Variants in BAIAP2 observed in about 807,000 individuals in gnomAD.
BAIAP2 encodes BAR/IMD domain-containing adapter protein 2.
Under a neutral mutation model 63.0 loss-of-function variants are expected in BAIAP2, and 18 were observed. The observed-to-expected ratio is 0.29, with a 90% CI of 0.20 to 0.42. BAIAP2 has a LOEUF of 0.42. Ranked by LOEUF, BAIAP2 falls within the 10% of genes least tolerant of loss-of-function variation. The pLI is 1.00. For missense variants in BAIAP2, 610 were observed against 734.3 expected (o/e 0.83, Z 1.96); for synonymous variants, 386 against 307.6 (o/e 1.25, Z -2.67).
At chr17:81,072,030 C>A (rs957636349) in intron 3 of BAIAP2, among the ~76,000 whole-genome samples, 10 of 152,232 alleles carry the variant, frequency 6.6e-5, no homozygotes, top group African/African-American at 2.4e-4. Flanking sequence ...TCTCTTGGGC[C>A]ATCATCGTGG....
chr17:81,060,043 C>T (rs1034642710), intron 3 of BAIAP2, among the ~76,000 whole-genome samples: 1 of 152,190 alleles, frequency 6.6e-6, no homozygotes, highest in Non-Finnish European at 1.5e-5. Context: ...CAGGGAGCGT[C>T]TGTTTACCTG....
chr17:81,110,391 A>G (rs2059776291), intron 13 of BAIAP2: 1 of 987,588 alleles, frequency 1.0e-6, no homozygotes, highest in Non-Finnish European at 1.2e-6. Flanking sequence ...AAACAGCAAC[A>G]CTTGTATGAA....
chr17:81,066,621 C>G (rs11655399), intron 3 of BAIAP2, among the ~76,000 whole-genome samples: 84,537 of 152,100 alleles, frequency 0.56, 23,618 homozygotes, highest in Admixed American at 0.59. Flanking sequence ...AAACGTGGGG[C>G]CCTGTGCAGA....
At chr17:81,073,351 G>C (rs1451982627) in intron 3 of BAIAP2, among the ~76,000 whole-genome samples, 1 of 152,168 alleles carries the variant, frequency 6.6e-6, no homozygotes, top group East Asian at 1.9e-4. Flanking sequence ...CCGGGGTGGG[G>C]AGGTGGAGGC....
rs553996113 is a variant in BAIAP2 at position 81,072,952 on chromosome 17, C to A, written c.218-11880C>A. 2.0e-4 allele frequency among the ~76,000 whole-genome samples: 30 copies of A among 152,150 alleles called. 1 individual carries two copies. The South Asian group carries it at 5.4e-3, about 27-fold the overall frequency. ...CCCGGGTGCCGGGTACAAACATGCA[C>A]GCTTCCCTGATGAGAAAATGGCATC... On this transcript the variant is annotated intron_variant, in intron 3 of 13. Transcript: ENST00000428708.
At chr17:81,072,937 G>A (rs531646085) in intron 3 of BAIAP2, among the ~76,000 whole-genome samples, 39 of 152,080 alleles carry the variant, frequency 2.6e-4, no homozygotes, top group Non-Finnish European at 4.1e-4. Context: ...CCCGGGTGCC[G>A]GGTACAAACA....
At position 81,053,203 on chromosome 17, in the gene BAIAP2, C is replaced by T. The variant is rs544950556; in HGVS notation, c.55-465C>T. Reference sequence around the variant, plus strand: ...CAGATCAGGCTGCAGTGGTGCTAATCAGAGCTGAGGTTTGGTAATTGATGT... The same window carrying T: ...CAGATCAGGCTGCAGTGGTGCTAATTAGAGCTGAGGTTTGGTAATTGATGT... On this transcript the variant is annotated intron_variant, in intron 1 of 13. Coordinates refer to ENST00000428708, the MANE Select transcript of BAIAP2 (RefSeq NM_001144888.2). 4.1e-5 allele frequency among the ~76,000 whole-genome samples: 6 copies of T among 144,884 alleles called. No individual in the cohort carries two copies. The South Asian group carries it at 1.3e-3, about 32-fold the overall frequency.
chr17:81,069,852 C>T lies in BAIAP2; in HGVS notation c.217+11885C>T, dbSNP rs559025153. Among the ~76,000 whole-genome samples, 25 of 152,324 alleles carry T rather than the reference C, an allele frequency of 1.6e-4. 1 individual carries two copies. Among genetic ancestry groups the T allele is most frequent in the African/African-American group, 2.4e-4 (10 of 41,580 alleles). ...AGGGCACCTTGGGAGGATGCTGTGCCGTGGGACCTGAACAGGCAGCAGAGG... is the reference window on the plus strand; with the variant it reads ...AGGGCACCTTGGGAGGATGCTGTGCTGTGGGACCTGAACAGGCAGCAGAGG... On this transcript the variant is annotated intron_variant, in intron 3 of 13. Coordinates refer to ENST00000428708, the MANE Select transcript of BAIAP2 (RefSeq NM_001144888.2).
At chr17:81,108,982 T>C (rs1231085272) in intron 13 of BAIAP2, 1 of 1,549,200 alleles carries the variant, frequency 6.5e-7, no homozygotes, top group Admixed American at 2.0e-5. Context: ...AGCGGCACGC[T>C]GGTGTCCACA....
At chr17:81,037,084 GAAATCTGCTGGCAGGA>G (rs2046379258) in intron 1 of BAIAP2, 20 of 817,348 alleles carry the variant, frequency 2.4e-5, no homozygotes, top group Non-Finnish European at 3.9e-5. Flanking sequence ...AGGTCTAAGT[GAAATCTGCTGGCAGGA>G]AAACTCTTAG....
intron 1 of BAIAP2, among the ~76,000 whole-genome samples, chr17:81,042,709 A>G (rs921281327): frequency 2.6e-5 from 4 of 151,668 alleles, no homozygotes; most frequent in African/African-American, 9.7e-5. Context: ...ACATCTTGAC[A>G]TTAGAATGGG....
At chr17:81,111,092 C>T in intron 13 of BAIAP2, 1 of 1,083,630 alleles carries the variant, frequency 9.2e-7, no homozygotes, top group Non-Finnish European at 1.4e-6. Context: ...CTGAGCCTGC[C>T]TCTCACTCTG....
intron 13 of BAIAP2, among the ~76,000 whole-genome samples, chr17:81,114,960 C>T (rs1024893652): frequency 5.9e-5 from 9 of 152,238 alleles, no homozygotes; most frequent in African/African-American, 1.2e-4. Context: ...TCTTCATGTC[C>T]ACGTGCCATC....
At chr17:81,106,639 A>G (rs2059217376) in intron 11 of BAIAP2, 106 bp from the exon 12 acceptor site, 3 of 1,357,662 alleles carry the variant, frequency 2.2e-6, no homozygotes, top group East Asian at 4.7e-5. Flanking sequence ...GCCTCCCCGC[A>G]TGTGGCGTGG....
At chr17:81,040,689 G>A (rs139585613) in intron 1 of BAIAP2, among the ~76,000 whole-genome samples, 197 of 152,358 alleles carry the variant, frequency 1.3e-3, no homozygotes, top group African/African-American at 4.5e-3. Flanking sequence ...TTTGCTCCCC[G>A]GGCGGTGGCC....
chr17:81,108,800 AGCCTCCTCT>A, intron 13 of BAIAP2: 1 of 1,149,334 alleles, frequency 8.7e-7, no homozygotes, highest in Non-Finnish European at 1.2e-6. Flanking sequence ...CTGGGGCTGC[AGCCTCCTCT>A]GCCCCAATCT....
intron 1 of BAIAP2, among the ~76,000 whole-genome samples, chr17:81,049,167 C>T (rs999695641): frequency 6.6e-6 from 1 of 152,268 alleles, no homozygotes; most frequent in Non-Finnish European, 1.5e-5. Flanking sequence ...TTGTACTGCA[C>T]AGGTCCTGGA....
intron 3 of BAIAP2, among the ~76,000 whole-genome samples, chr17:81,059,421 C>T (rs2144384712): frequency 6.6e-6 from 1 of 152,268 alleles, no homozygotes; most frequent in African/African-American, 2.4e-5. Flanking sequence ...TGGAGAAGGG[C>T]AGAAGCAGTG....
rs138656369 is a variant in BAIAP2 at position 81,055,569 on chromosome 17, G to GGTTTTTTTTTTTTTTTTTTT, written c.130+1826_130+1827insGTTTTTTTTTTTTTTTTTTT. On this transcript the variant is annotated intron_variant, in intron 2 of 13. Coordinates refer to ENST00000428708, the MANE Select transcript of BAIAP2 (RefSeq NM_001144888.2). ...TTCCTCCAGCGAAAGTCTGCAGGGT[G>GGTTTTTTTTTTTTTTTTTTT]TTTTGTTTTTTTTTGAGACGGAGTC... is the stretch of plus-strand genomic sequence containing the variant. 9.4e-4 allele frequency among the ~76,000 whole-genome samples: 88 copies of GGTTTTTTTTTTTTTTTTTTT among 94,010 alleles called. 7 individuals carry two copies. The highest frequency in any genetic ancestry group is 2.3e-3 in the African/African-American group (56 of 24,648). 61.7% of individuals were successfully genotyped at this position (94,010 alleles called of 152,430 possible). A position where few individuals can be genotyped will look rare whatever the true frequency, so the allele number is the denominator to read the frequency against.
Sources: gnomAD v4.1 joint callset for allele counts (sites outside exome capture counted in the v4.1 genomes callset) on GRCh38, gnomAD v4.1.1 for gene constraint, MANE v1.5 for transcripts, NCBI Gene and HGNC (gene_info 2026-07-23, HGNC 2026-07-21) for gene names.